WDR72: variants seen among roughly 807,000 people sequenced by gnomAD.
WDR72 encodes the protein WD repeat-containing protein 72.
Under a neutral mutation model 124.2 loss-of-function variants are expected in WDR72, and 120 were observed. The observed-to-expected ratio is 0.97, with a 90% CI of 0.83 to 1.12. The LOEUF (loss-of-function observed/expected upper bound fraction) is 1.12. Among genes scored for constraint, WDR72 ranks in the 50% most tolerant of loss-of-function variants. WDR72 has a pLI of 0.00. For synonymous variants in WDR72, 452 were observed against 441.7 expected (o/e 1.02, Z -0.29); for missense variants, 1,387 against 1,278.8 (o/e 1.08, Z -1.29).
chr15:53,716,587 A>G lies in WDR72; in HGVS notation c.339+20T>C. ...AGTTGCAGAATCTAGAAATGCCCTG[A>G]AGGAAGTGAGTGTACTTACACAGAT... On this transcript the variant is annotated intron_variant, in intron 4 of 19. Transcript: ENST00000360509. The G allele has an allele frequency of 6.6e-7, 1 of 1,524,190 alleles. No homozygotes were observed. Among genetic ancestry groups the G allele is most frequent in the Non-Finnish European group, 9.1e-7 (1 of 1,097,846 alleles). 94.4% of individuals were successfully genotyped at this position (1,524,190 alleles called of 1,614,324 possible).
In WDR72 at chr15:53,733,000, T is replaced by C. The variant is rs550008200; in HGVS notation, c.150A>G (p.Leu50=). Residue 50 remains leucine, a synonymous_variant, in exon 2 of 20, where the codon CTA becomes CTG. Coordinates refer to ENST00000360509, the MANE Select transcript of WDR72 (RefSeq NM_182758.4). ...AATATCAGTAGCTTTCACTAACCTT[T>C]AGTTCATGTGAGAGATTCCAGAGAC... is the stretch of plus-strand genomic sequence containing the variant. ...QLCLWNLSHE[L]KISAKELLFG... The C allele has an allele frequency of 6.2e-7, 1 of 1,614,020 alleles. No homozygotes were observed. Among genetic ancestry groups the C allele is most frequent in the Non-Finnish European group, 8.5e-7 (1 of 1,179,930 alleles).
intron 9 of WDR72, among the ~76,000 whole-genome samples, chr15:53,709,582 A>C (rs1407839031): frequency 6.6e-6 from 1 of 152,246 alleles, no homozygotes; most frequent in Non-Finnish European, 1.5e-5. Flanking sequence ...TTCAAAGCTA[A>C]GGAGGAAAGA....
intron 13 of WDR72, among the ~76,000 whole-genome samples, chr15:53,689,444 A>C (rs576032119): frequency 2.0e-5 from 3 of 149,710 alleles, no homozygotes; most frequent in Admixed American, 1.3e-4. Flanking sequence ...ACATTTATGC[A>C]GCCAAAAAAC....
At chr15:53,556,258 AATG>A (rs1893927349) in intron 18 of WDR72, among the ~76,000 whole-genome samples, 1 of 152,160 alleles carries the variant, frequency 6.6e-6, no homozygotes, top group Admixed American at 6.6e-5. Context: ...TATAAATTAT[AATG>A]ATGAAAACCA....
chr15:53,568,191 T>A (rs1476707312), intron 18 of WDR72, among the ~76,000 whole-genome samples: 5 of 151,674 alleles, frequency 3.3e-5, no homozygotes, highest in African/African-American at 1.2e-4. Flanking sequence ...AAATAATTTT[T>A]TACCATTTAA....
Position 53,513,862 on chromosome 15 carries a change from A to C in WDR72, c.*3837T>G, listed in dbSNP as rs1891303585. On this transcript the variant is annotated 3_prime_UTR_variant, in exon 20 of 20. Coordinates refer to ENST00000360509, the MANE Select transcript of WDR72 (RefSeq NM_182758.4). ...GGTCAAGATGAAGGTGAAAAGAGTAAAGGAGTTGTACTAGGACAGGCCTCC... is the reference window on the plus strand; with the variant it reads ...GGTCAAGATGAAGGTGAAAAGAGTACAGGAGTTGTACTAGGACAGGCCTCC... 6.6e-6 allele frequency: 1 copy of C among 152,242 alleles called. No homozygotes were observed. The highest frequency in any genetic ancestry group is 6.5e-5 in the Admixed American group (1 of 15,284). 9.4% of individuals were successfully genotyped at this position (152,242 alleles called of 1,614,324 possible). A position where few individuals can be genotyped will look rare whatever the true frequency, so the allele number is the denominator to read the frequency against.
intron 14 of WDR72, among the ~76,000 whole-genome samples, chr15:53,654,654 T>C (rs932864101): frequency 3.3e-5 from 5 of 152,194 alleles, no homozygotes; most frequent in Admixed American, 2.6e-4. Context: ...ATGCAGCTCA[T>C]TGAATTTTCT....
intron 9 of WDR72, among the ~76,000 whole-genome samples, chr15:53,709,292 T>C (rs1204317065): frequency 1.3e-5 from 2 of 152,204 alleles, no homozygotes; most frequent in Non-Finnish European, 2.9e-5. Flanking sequence ...TTTCCAATTA[T>C]TCTATTCATA....
At chr15:53,609,989 A>G (rs1595791677) in intron 16 of WDR72, among the ~76,000 whole-genome samples, 1 of 152,074 alleles carries the variant, frequency 6.6e-6, no homozygotes, top group Non-Finnish European at 1.5e-5. Flanking sequence ...AAATCTTACA[A>G]TTCCTTCCTT....
At chr15:53,591,658 G>A (rs530177488) in intron 18 of WDR72, among the ~76,000 whole-genome samples, 60 of 147,938 alleles carry the variant, frequency 4.1e-4, no homozygotes, top group East Asian at 1.4e-3. Flanking sequence ...ATTAACACAC[G>A]CACACATATA....
chr15:53,707,207 C>T (rs542905984), intron 9 of WDR72, among the ~76,000 whole-genome samples: 3 of 152,244 alleles, frequency 2.0e-5, no homozygotes, highest in African/African-American at 7.2e-5. Flanking sequence ...GATTTAGACA[C>T]ATTAGTGAAA....
At chr15:53,567,196 CTTG>C (rs1465412668) in intron 18 of WDR72, among the ~76,000 whole-genome samples, 7 of 151,972 alleles carry the variant, frequency 4.6e-5, no homozygotes, top group African/African-American at 1.7e-4. Context: ...GGAAATCAGT[CTTG>C]TTATATTTTC....
chr15:53,526,247 A>T (rs1389783559), intron 18 of WDR72, among the ~76,000 whole-genome samples: 2 of 152,074 alleles, frequency 1.3e-5, no homozygotes, highest in Non-Finnish European at 2.9e-5. Flanking sequence ...AGACATTCTA[A>T]GAGGGACATG....
chr15:53,629,869 C>T (rs972717824), intron 14 of WDR72, among the ~76,000 whole-genome samples: 5 of 152,268 alleles, frequency 3.3e-5, no homozygotes, highest in South Asian at 4.1e-4. Flanking sequence ...CTCAAAAATC[C>T]GCATCCCCAC....
At chr15:53,600,575 A>C (rs2013000126) in intron 17 of WDR72, among the ~76,000 whole-genome samples, 1 of 152,184 alleles carries the variant, frequency 6.6e-6, no homozygotes, top group Admixed American at 6.6e-5. Flanking sequence ...GGCAAGCTAA[A>C]AATTTTAGTG....
intron 14 of WDR72, among the ~76,000 whole-genome samples, chr15:53,626,119 G>T (rs1173788054): frequency 6.6e-6 from 1 of 152,150 alleles, no homozygotes; most frequent in Non-Finnish European, 1.5e-5. Context: ...CTCCCAAGAT[G>T]GTGGTGGGCA....
rs1451123312 is a variant in WDR72 at position 53,514,244 on chromosome 15, A to C, written c.*3455T>G. On this transcript the variant is annotated 3_prime_UTR_variant, in exon 20 of 20. Coordinates refer to ENST00000360509, the MANE Select transcript of WDR72 (RefSeq NM_182758.4). ...TTACATATAAGACAACATTTTGTGG[A>C]GAATAAAGGAGTCTATAACACCGCT... The C allele has an allele frequency of 2.0e-5, 3 of 152,206 alleles. No individual in the cohort carries two copies. Among genetic ancestry groups the C allele is most frequent in the Non-Finnish European group, 2.9e-5 (2 of 68,040 alleles). 9.4% of individuals were successfully genotyped at this position (152,206 alleles called of 1,614,324 possible).
At chr15:53,593,079 A>T (rs1335198287) in intron 18 of WDR72, among the ~76,000 whole-genome samples, 2 of 152,110 alleles carry the variant, frequency 1.3e-5, no homozygotes, top group African/African-American at 4.8e-5. Context: ...ATTATGCCTT[A>T]ACTCTCACTT....
chr15:53,727,517 TC>T (rs1003290977), intron 2 of WDR72, among the ~76,000 whole-genome samples: 1 of 152,192 alleles, frequency 6.6e-6, no homozygotes. Flanking sequence ...TTGATTAGAA[TC>T]CTGCACAATT....
Sources: allele counts gnomAD v4.1 joint callset (sites outside exome capture counted in the v4.1 genomes callset), GRCh38; gene constraint gnomAD v4.1.1; transcripts MANE v1.5; gene names NCBI Gene and HGNC (gene_info 2026-07-23, HGNC 2026-07-21).